The following TPX2 variants were observed in gnomAD, a reference collection of about 807,000 sequenced individuals.
TPX2 encodes TPX2 microtubule nucleation factor, also known as targeting protein for Xklp2.
Under a neutral mutation model 93.6 loss-of-function variants are expected in TPX2, and 21 were observed. The observed-to-expected ratio is 0.22, with a 90% CI of 0.16 to 0.32. TPX2 has a LOEUF of 0.32. Ranked by LOEUF, TPX2 falls within the 10% of genes least tolerant of loss-of-function variation. The pLI, the probability that TPX2 is intolerant of heterozygous loss-of-function variation, is 1.00. For missense variants in TPX2, 776 were observed against 871.1 expected (o/e 0.89, Z 1.37); for synonymous variants, 281 against 298.3 (o/e 0.94, Z 0.60).
chr20:31,752,562 C>T (rs1427604319), intron 2 of TPX2, among the ~76,000 whole-genome samples: 3 of 152,134 alleles, frequency 2.0e-5, no homozygotes, highest in African/African-American at 7.2e-5. Context: ...TATGATAGGA[C>T]CTTAGCGTCT....
Position 31,801,082 on chromosome 20 carries a change from C to T in TPX2, c.*2C>T. On this transcript the variant is annotated 3_prime_UTR_variant, in exon 18 of 18. Coordinates refer to ENST00000300403, the MANE Select transcript of TPX2 (RefSeq NM_012112.5). ...TTCTCCACTCGATTCCACTGCTAAA[C>T]TCAGCTGTGAGCTGCGGATACCGCC... The T allele has an allele frequency of 6.2e-7, 1 of 1,613,396 alleles. No individual in the cohort carries two copies. Among genetic ancestry groups the T allele is most frequent in the Non-Finnish European group, 8.5e-7 (1 of 1,179,310 alleles).
At position 31,761,006 on chromosome 20, in the gene TPX2, T is replaced by C. The variant is rs1333627030; in HGVS notation, c.229+827T>C. On this transcript the variant is annotated intron_variant, in intron 4 of 17. Transcript: ENST00000300403. The stretch of plus-strand genomic sequence containing the variant: ...TTTGAAAAAAACAGCTGTATTTAGA[T>C]TTAACTCACACATCATATGATTCAC... Among the ~76,000 whole-genome samples the C allele has an allele frequency of 2.6e-5, 4 of 152,300 alleles. No homozygotes were observed. In the South Asian group the frequency reaches 8.3e-4, roughly 32 times the overall value.
In TPX2 at chr20:31,743,843, C is replaced by T. The variant is rs528992418; in HGVS notation, c.-71+1196C>T. On this transcript the variant is annotated intron_variant, in intron 2 of 17. Coordinates refer to ENST00000300403, the MANE Select transcript of TPX2 (RefSeq NM_012112.5). ...CCAGGTTCAGGCGATTCTCCTGTCT[C>T]AGCCTCCCGAGTAGCTGGGACTACA... Among the ~76,000 whole-genome samples the T allele has an allele frequency of 4.0e-5, 6 of 151,508 alleles. No homozygotes were observed. In the South Asian group the frequency reaches 1.3e-3, roughly 32 times the overall value.
At chr20:31,751,895 A>G (rs952867247) in intron 2 of TPX2, among the ~76,000 whole-genome samples, 29 of 152,134 alleles carry the variant, frequency 1.9e-4, no homozygotes, top group African/African-American at 7.0e-4. Context: ...GGCACCTGCC[A>G]CCACACCTGG....
chr20:31,780,723 C>T (rs2062027961), intron 10 of TPX2, among the ~76,000 whole-genome samples: 1 of 152,100 alleles, frequency 6.6e-6, no homozygotes, highest in Non-Finnish European at 1.5e-5. Context: ...TGAAAATTGA[C>T]AAGGTTTCAC....
intron 12 of TPX2, among the ~76,000 whole-genome samples, chr20:31,785,583 C>T (rs1184941263): frequency 1.3e-5 from 2 of 151,792 alleles, no homozygotes; most frequent in Admixed American, 6.6e-5. Context: ...TGGCAACCTC[C>T]GCCTCCCGGG....
At chr20:31,797,576 C>CT in intron 16 of TPX2, 61 bp downstream of exon 16, 1 of 1,448,538 alleles carries the variant, frequency 6.9e-7, no homozygotes, top group Non-Finnish European at 9.7e-7. Context: ...CAGTGGGATG[C>CT]TGGAATTCAG....
intron 5 of TPX2, among the ~76,000 whole-genome samples, chr20:31,769,444 A>G (rs2061950643): frequency 6.6e-6 from 1 of 151,446 alleles, no homozygotes; most frequent in East Asian, 2.0e-4. Flanking sequence ...TCAGCCTCTC[A>G]AGTAGCTGGG....
At chr20:31,767,653 G>C (rs545414844) in intron 5 of TPX2, among the ~76,000 whole-genome samples, 33 of 152,086 alleles carry the variant, frequency 2.2e-4, no homozygotes, top group Admixed American at 1.8e-3. Flanking sequence ...CTGGGCTCAA[G>C]CAGTCTTCCC....
chr20:31,762,321 A>G (rs964824186), intron 4 of TPX2, among the ~76,000 whole-genome samples: 4 of 152,124 alleles, frequency 2.6e-5, no homozygotes, highest in Non-Finnish European at 5.9e-5. Context: ...CGTGTCCTAA[A>G]GTATTTCACC....
At position 31,745,978 on chromosome 20, in the gene TPX2, A is replaced by G. The variant is rs755307757; in HGVS notation, c.-71+3331A>G. Reference sequence around the variant, plus strand: ...AGCAAAACTGAGTTTGTAATCCTTAAAAAAGGGCAATATGAAACATACAAG... The same window carrying G: ...AGCAAAACTGAGTTTGTAATCCTTAGAAAAGGGCAATATGAAACATACAAG... On this transcript the variant is annotated intron_variant, in intron 2 of 17. Transcript: ENST00000300403. Among the ~76,000 whole-genome samples the G allele has an allele frequency of 1.2e-4, 19 of 152,314 alleles. 1 individual carries two copies. The highest frequency in any genetic ancestry group is 4.3e-4 in the African/African-American group (18 of 41,568).
At chr20:31,798,890 C>T (rs751112943) in intron 17 of TPX2, among the ~76,000 whole-genome samples, 54 of 152,260 alleles carry the variant, frequency 3.5e-4, no homozygotes, top group Non-Finnish European at 6.9e-4. Context: ...GAATTTCTTC[C>T]GGAAGTTTTC....
chr20:31,784,449 A>G (rs1046341145), intron 12 of TPX2, among the ~76,000 whole-genome samples: 1 of 152,208 alleles, frequency 6.6e-6, no homozygotes, highest in African/African-American at 2.4e-5. Context: ...TTCCTAGAGC[A>G]CTCAGCTAGT....
At chr20:31,776,760 C>T (rs1392502322) in intron 8 of TPX2, among the ~76,000 whole-genome samples, 1 of 151,994 alleles carries the variant, frequency 6.6e-6, no homozygotes, top group Admixed American at 6.6e-5. Flanking sequence ...CTCCTGGCGT[C>T]AGGTGATCCG....
chr20:31,746,692 T>A (rs555719436), intron 2 of TPX2, among the ~76,000 whole-genome samples: 1 of 152,320 alleles, frequency 6.6e-6, no homozygotes, highest in East Asian at 1.9e-4. Flanking sequence ...ATGCACCCTC[T>A]TGCAGCTTTC....
intron 4 of TPX2, among the ~76,000 whole-genome samples, chr20:31,763,471 C>T (rs1276489186): frequency 2.6e-5 from 4 of 152,040 alleles, no homozygotes; most frequent in Admixed American, 6.6e-5. Context: ...TGAGCTACTG[C>T]GCCTGTCCTG....
At position 31,779,090 on chromosome 20, in the gene TPX2, T is replaced by G. The variant is rs1337540519; in HGVS notation, c.1054+106T>G. The G allele has an allele frequency of 3.9e-6, 5 of 1,271,262 alleles. No homozygotes were observed. In the South Asian group the frequency reaches 6.4e-5, roughly 16 times the overall value. 78.7% of individuals were successfully genotyped at this position (1,271,262 alleles called of 1,614,324 possible). ...TTAGCTGAAATCCTAGTTTTTCAAT[T>G]AAAGTATGGCGTGTGACTATGCAGA... On this transcript the variant is annotated intron_variant, in intron 10 of 17. Coordinates refer to ENST00000300403, the MANE Select transcript of TPX2 (RefSeq NM_012112.5).
Position 31,800,839 on chromosome 20 carries a change from C to T in TPX2, c.2134-131C>T, listed in dbSNP as rs185245713. On this transcript the variant is annotated intron_variant, in intron 17 of 17. Coordinates refer to ENST00000300403, the MANE Select transcript of TPX2 (RefSeq NM_012112.5). ...CCGTGTTGCCCCCCAGGCCCCACTC[C>T]CCACACCTGAAACTAGTGACTGGGA... 226 of 761,722 alleles carry T rather than the reference C, an allele frequency of 3.0e-4. 2 individuals carry two copies. The East Asian group carries it at 5.1e-3, about 17-fold the overall frequency. The allele number at this position is 761,722 out of a possible 1,614,324, so 47.2% of individuals were successfully genotyped here.
chr20:31,794,711 G>T (rs1259248037), intron 15 of TPX2, among the ~76,000 whole-genome samples, 163 bp downstream of exon 15: 1 of 151,684 alleles, frequency 6.6e-6, no homozygotes, highest in African/African-American at 2.4e-5. Flanking sequence ...GGCCAGATAA[G>T]AAATATTTTA....
Sources: allele counts gnomAD v4.1 joint callset (sites outside exome capture counted in the v4.1 genomes callset), GRCh38; gene constraint gnomAD v4.1.1; transcripts MANE v1.5; gene names NCBI Gene and HGNC (gene_info 2026-07-23, HGNC 2026-07-21).